The following PPP6R3 variants were observed in gnomAD, a reference collection of about 807,000 sequenced individuals.
PPP6R3 encodes the protein protein phosphatase 6 regulatory subunit 3, also known as serine/threonine-protein phosphatase 6 regulatory subunit 3.
In PPP6R3, 38 loss-of-function variants were observed where a neutral mutation model predicts 110.7. The ratio of observed to expected loss-of-function variants is 0.34; its 90% CI spans 0.26 to 0.45. The LOEUF (loss-of-function observed/expected upper bound fraction) is 0.45. Among genes scored for constraint, PPP6R3 ranks in the 20% least tolerant of loss-of-function variants. The pLI, the probability that PPP6R3 is intolerant of heterozygous loss-of-function variation, is 1.00. For missense variants in PPP6R3, 870 were observed against 1,062.4 expected, an observed-to-expected ratio of 0.82 and a Z score of 2.52; for synonymous variants, 369 against 373.5, an observed-to-expected ratio of 0.99 and a Z score of 0.14.
chr11:68,569,068 A>T (rs1428084816), intron 10 of PPP6R3, among the ~76,000 whole-genome samples: 2 of 152,034 alleles, frequency 1.3e-5, no homozygotes, highest in African/African-American at 2.4e-5. Flanking sequence ...CCTCTTATAA[A>T]TTTTTTTGAA....
chr11:68,553,450 C>T (rs909614018), intron 6 of PPP6R3, among the ~76,000 whole-genome samples: 23 of 152,092 alleles, frequency 1.5e-4, no homozygotes, highest in African/African-American at 5.1e-4. Flanking sequence ...TGCGCCACCA[C>T]GCCTGGCTAA....
At chr11:68,463,902 A>G (rs2098726537) in intron 1 of PPP6R3, among the ~76,000 whole-genome samples, 2 of 152,018 alleles carry the variant, frequency 1.3e-5, no homozygotes, top group Admixed American at 1.3e-4. Flanking sequence ...GTGCTTCTGG[A>G]GGGTAGAGGC....
intron 3 of PPP6R3, 89 bp downstream of exon 3, chr11:68,537,980 A>G (rs2099279125): frequency 2.0e-6 from 2 of 1,000,920 alleles, no homozygotes; most frequent in Non-Finnish European, 2.9e-6. Context: ...CTCCAGTGTG[A>G]CTGTTGCCAT....
intron 18 of PPP6R3, among the ~76,000 whole-genome samples, chr11:68,593,802 T>C (rs757449123): frequency 6.6e-6 from 1 of 152,148 alleles, no homozygotes; most frequent in African/African-American, 2.4e-5. Context: ...ATGGGTTGCT[T>C]GAGCCCAGGA....
At chr11:68,559,057 T>C (rs1231254038) in intron 8 of PPP6R3, among the ~76,000 whole-genome samples, 1 of 152,242 alleles carries the variant, frequency 6.6e-6, no homozygotes, top group Non-Finnish European at 1.5e-5. Context: ...GTAGCTCTCC[T>C]GGCCATTCAG....
At chr11:68,507,889 G>T (rs919124401) in intron 1 of PPP6R3, among the ~76,000 whole-genome samples, 2 of 152,088 alleles carry the variant, frequency 1.3e-5, no homozygotes, top group African/African-American at 4.8e-5. Context: ...TTTACATCAG[G>T]AATATCATGG....
intron 1 of PPP6R3, among the ~76,000 whole-genome samples, chr11:68,485,273 C>CTTTT (rs34482880): frequency 1.2e-5 from 1 of 84,744 alleles, no homozygotes; most frequent in Admixed American, 1.2e-4. Context: ...AGTTCTGGGA[C>CTTTT]TTTTTTTTTT....
intron 6 of PPP6R3, among the ~76,000 whole-genome samples, chr11:68,552,650 G>A (rs2099385682): frequency 6.7e-6 from 1 of 149,774 alleles, no homozygotes; most frequent in South Asian, 2.1e-4. Context: ...AGGTTTCCCT[G>A]TGATGACAGT....
intron 23 of PPP6R3, among the ~76,000 whole-genome samples, chr11:68,611,566 G>A (rs1212228610): frequency 1.3e-5 from 2 of 152,156 alleles, no homozygotes; most frequent in Admixed American, 6.5e-5. Context: ...TTATCCATCT[G>A]TCCTTCTTTC....
chr11:68,520,064 T>C (rs2099156444), intron 2 of PPP6R3, among the ~76,000 whole-genome samples: 2 of 152,228 alleles, frequency 1.3e-5, no homozygotes, highest in Admixed American at 6.5e-5. Context: ...CTTTTGTCTT[T>C]CTGAGTCCTA....
chr11:68,579,390 G>A (rs552558712), intron 14 of PPP6R3, among the ~76,000 whole-genome samples: 15 of 152,284 alleles, frequency 9.9e-5, no homozygotes, highest in Non-Finnish European at 1.3e-4. Context: ...ATTTTATTTC[G>A]AAAGAAGATA....
At position 68,596,078 on chromosome 11, in the gene PPP6R3, G is replaced by C; in HGVS notation, c.1917-19G>C. On this transcript the variant is annotated intron_variant, in intron 18 of 23. Transcript: ENST00000393800. ...GGCTGATAAGCAGTGTTAAATACTT[G>C]GGTCTTGTTTTTCCTTAGCTCGGGG... The C allele has an allele frequency of 6.2e-7, 1 of 1,614,000 alleles. No homozygotes were observed. Among genetic ancestry groups the C allele is most frequent in the South Asian group, 1.1e-5 (1 of 91,060 alleles).
In PPP6R3 at chr11:68,569,744, G is replaced by T. The variant is rs1405045220; in HGVS notation, c.1129-4G>T. Reference sequence around the variant, plus strand: ...GAATAAAACATGGTTTTTCTTTTTTGTAGAACATGTTCTTCAAGTATACAT... The same window carrying T: ...GAATAAAACATGGTTTTTCTTTTTTTTAGAACATGTTCTTCAAGTATACAT... On this transcript the variant is annotated splice_polypyrimidine_tract_variant and splice_region_variant and intron_variant, in intron 10 of 23. Coordinates refer to ENST00000393800, the MANE Select transcript of PPP6R3 (RefSeq NM_001164161.2). The T allele has an allele frequency of 1.9e-6, 3 of 1,558,622 alleles. No individual in the cohort carries two copies. Among genetic ancestry groups the T allele is most frequent in the Admixed American group, 3.7e-5 (2 of 54,016 alleles).
At chr11:68,481,964 A>G (rs1455025205) in intron 1 of PPP6R3, among the ~76,000 whole-genome samples, 1 of 152,152 alleles carries the variant, frequency 6.6e-6, no homozygotes, top group Non-Finnish European at 1.5e-5. Context: ...GAAGAGGGTC[A>G]TTAAGGTGGT....
chr11:68,608,822 AAGAATT>A (rs1332678323), intron 22 of PPP6R3, among the ~76,000 whole-genome samples: 16 of 152,216 alleles, frequency 1.1e-4, no homozygotes, highest in South Asian at 2.1e-4. Flanking sequence ...CTATTTTTTA[AAGAATT>A]AGAATTAGAA....
intron 1 of PPP6R3, among the ~76,000 whole-genome samples, chr11:68,519,011 A>G (rs1311726230): frequency 6.6e-6 from 1 of 152,254 alleles, no homozygotes; most frequent in Non-Finnish European, 1.5e-5. Flanking sequence ...AATTGACACT[A>G]GAGACTGAAT....
intron 1 of PPP6R3, among the ~76,000 whole-genome samples, chr11:68,507,098 C>A (rs184107505): frequency 1.4e-3 from 218 of 152,246 alleles, no homozygotes; most frequent in Middle Eastern, 0.014. Flanking sequence ...TTTGAGTGTC[C>A]ATTAGGGTGC....
Position 68,596,118 on chromosome 11 carries a change from G to A in PPP6R3, c.1938G>A (p.Glu646=). 1.2e-6 allele frequency: 2 copies of A among 1,614,200 alleles called. No homozygotes were observed. Among genetic ancestry groups the A allele is most frequent in the South Asian group, 1.1e-5 (1 of 91,082 alleles). Residue 646 remains glutamate (E), a synonymous_variant, in exon 19 of 24, where the codon GAG becomes GAA. Transcript: ENST00000393800. ...TTAGCTCGGGGAGTACAGACAGTGA[G>A]GAAAGTACAGACTCTGAAGAAGAAG... The part of the protein sequence containing the change: ...RRSSSGSTDS[E]ESTDSEEEDG...
chr11:68,461,350 C>T (rs901096344), intron 1 of PPP6R3, among the ~76,000 whole-genome samples: 2 of 152,086 alleles, frequency 1.3e-5, no homozygotes, highest in Non-Finnish European at 2.9e-5. Context: ...TTGTGGGTTT[C>T]TGTTAATTCG....
Sources: gnomAD v4.1 joint callset for allele counts (sites outside exome capture counted in the v4.1 genomes callset) on GRCh38, gnomAD v4.1.1 for gene constraint, MANE v1.5 for transcripts, NCBI Gene and HGNC (gene_info 2026-07-23, HGNC 2026-07-21) for gene names.